Variants in CNTN5 observed in about 807,000 individuals in gnomAD.
The protein encoded by CNTN5 is contactin 5, also known as contactin-5.
CNTN5 carries 77 observed loss-of-function variants against 129.1 expected under a neutral mutation model. The observed-to-expected ratio is 0.60, with a 90% CI of 0.50 to 0.72. The LOEUF (loss-of-function observed/expected upper bound fraction) is 0.72, where lower values mean the gene tolerates loss of function less well. Ranked by LOEUF, CNTN5 falls within the 30% of genes least tolerant of loss-of-function variation. CNTN5 has a pLI of 0.00. For missense variants in CNTN5, 1,478 were observed against 1,328.8 expected (o/e 1.11, Z -1.75); for synonymous variants, 509 against 465.6 (o/e 1.09, Z -1.20).
At chr11:100,026,928 G>A (rs868118631) in intron 9 of CNTN5, among the ~76,000 whole-genome samples, 1 of 151,782 alleles carries the variant, frequency 6.6e-6, no homozygotes, top group Non-Finnish European at 1.5e-5. Flanking sequence ...GCCTTTGATA[G>A]TGTATCTAAA....
chr11:99,611,492 TAA>T (rs2135731663), intron 3 of CNTN5, among the ~76,000 whole-genome samples: 1 of 152,282 alleles, frequency 6.6e-6, no homozygotes, highest in Admixed American at 6.5e-5. Flanking sequence ...AAATGTAAAA[TAA>T]GAGTCAGTTC....
At chr11:99,637,583 T>G (rs1023585297) in intron 3 of CNTN5, among the ~76,000 whole-genome samples, 1 of 152,114 alleles carries the variant, frequency 6.6e-6, no homozygotes, top group Non-Finnish European at 1.5e-5. Flanking sequence ...AAAATCAGTA[T>G]TTTTTTAAGT....
chr11:99,971,588 A>G (rs1951256194), intron 8 of CNTN5, among the ~76,000 whole-genome samples: 1 of 151,624 alleles, frequency 6.6e-6, no homozygotes, highest in Admixed American at 6.6e-5. Flanking sequence ...CTACAAAATA[A>G]TCAACAAATG....
At chr11:100,166,984 T>C (rs1947657949) in intron 13 of CNTN5, among the ~76,000 whole-genome samples, 1 of 151,674 alleles carries the variant, frequency 6.6e-6, no homozygotes, top group Non-Finnish European at 1.5e-5. Context: ...CACAGAAAAA[T>C]GGGGCAGAAG....
intron 1 of CNTN5, among the ~76,000 whole-genome samples, chr11:99,145,590 A>G (rs1859743720): frequency 2.6e-5 from 4 of 152,102 alleles, no homozygotes. Flanking sequence ...AATTCTTCTT[A>G]CTGTGAGTTG....
At chr11:99,077,668 T>G (rs779434176) in intron 1 of CNTN5, among the ~76,000 whole-genome samples, 3 of 152,164 alleles carry the variant, frequency 2.0e-5, no homozygotes, top group Admixed American at 6.5e-5. Context: ...AATCCCCACA[T>G]TTCAAGGAAG....
chr11:99,568,572 A>G (rs1949079157), intron 3 of CNTN5, among the ~76,000 whole-genome samples: 1 of 152,218 alleles, frequency 6.6e-6, no homozygotes, highest in Admixed American at 6.5e-5. Context: ...TCTTTGGAAT[A>G]TAAAGTGGAA....
intron 3 of CNTN5, among the ~76,000 whole-genome samples, chr11:99,661,431 T>C (rs1952588077): frequency 6.6e-6 from 1 of 152,162 alleles, no homozygotes. Flanking sequence ...TACAGAGTTA[T>C]TACAATTCAT....
At chr11:99,388,398 G>A (rs1374319494) in intron 2 of CNTN5, among the ~76,000 whole-genome samples, 2 of 99,764 alleles carry the variant, frequency 2.0e-5, no homozygotes, top group African/African-American at 8.1e-5. Flanking sequence ...CTGGGTGACA[G>A]AGCAAAACCC....
intron 2 of CNTN5, among the ~76,000 whole-genome samples, chr11:99,460,506 G>A (rs74731998): frequency 0.011 from 1,688 of 151,892 alleles, 16 homozygotes; most frequent in Non-Finnish European, 0.017. Flanking sequence ...ATACTACAAG[G>A]AATAATTCAT....
At chr11:100,031,621 A>AT (rs1941711719) in intron 9 of CNTN5, among the ~76,000 whole-genome samples, 1 of 152,036 alleles carries the variant, frequency 6.6e-6, no homozygotes, top group East Asian at 1.9e-4. Context: ...GTTTCTATGG[A>AT]TTTTTTGTAA....
intron 2 of CNTN5, among the ~76,000 whole-genome samples, chr11:99,508,625 C>T (rs976123279): frequency 6.6e-6 from 1 of 151,900 alleles, no homozygotes; most frequent in Non-Finnish European, 1.5e-5. Flanking sequence ...AAAACGTAGG[C>T]TTTTATATCA....
intron 13 of CNTN5, among the ~76,000 whole-genome samples, chr11:100,172,943 C>T (rs866044064): frequency 6.6e-6 from 1 of 151,956 alleles, no homozygotes; most frequent in South Asian, 2.1e-4. Flanking sequence ...TGGGGAGTGG[C>T]CTGATACCAA....
chr11:99,074,146 TC>T (rs1865461939), intron 1 of CNTN5, among the ~76,000 whole-genome samples: 1 of 152,236 alleles, frequency 6.6e-6, no homozygotes, highest in South Asian at 2.1e-4. Context: ...GAGCTTTTTT[TC>T]ATATGTTTTT....
At chr11:99,750,204 A>T (rs935428320) in intron 3 of CNTN5, among the ~76,000 whole-genome samples, 3 of 152,190 alleles carry the variant, frequency 2.0e-5, no homozygotes, top group Non-Finnish European at 2.9e-5. Flanking sequence ...CATTAAATTA[A>T]TATACCTTGA....
At chr11:99,892,773 C>G (rs1477916275) in intron 6 of CNTN5, among the ~76,000 whole-genome samples, 2 of 152,096 alleles carry the variant, frequency 1.3e-5, no homozygotes, top group African/African-American at 4.8e-5. Flanking sequence ...AGGCCTCCAG[C>G]TTTGTTCTTT....
At position 99,493,079 on chromosome 11, in the gene CNTN5, C is replaced by T. The variant is rs72991554; in HGVS notation, c.-70-63066C>T. Among the ~76,000 whole-genome samples, 299 of 152,276 alleles carry T rather than the reference C, an allele frequency of 2.0e-3. 2 individuals are homozygous for T. Among genetic ancestry groups the T allele is most frequent in the Non-Finnish European group, 3.2e-3 (218 of 68,018 alleles). Reference sequence around the variant, plus strand: ...AAAGACCTTCCTGCTTCTACTGCTACCTCAAATGCCCAGGCACCATATTCT... The same window carrying T: ...AAAGACCTTCCTGCTTCTACTGCTATCTCAAATGCCCAGGCACCATATTCT... On this transcript the variant is annotated intron_variant, in intron 2 of 24. Coordinates refer to ENST00000524871, the MANE Select transcript of CNTN5 (RefSeq NM_014361.4).
intron 21 of CNTN5, chr11:100,309,653 ATATATAT>A: frequency 1.0e-6 from 1 of 984,192 alleles, no homozygotes; most frequent in Non-Finnish European, 1.2e-6. Flanking sequence ...AAATGATAAT[ATATATAT>A]TTGGCCCATA....
chr11:99,923,773 A>ATCTATCTG (rs1949994766), intron 7 of CNTN5, among the ~76,000 whole-genome samples: 1 of 151,278 alleles, frequency 6.6e-6, no homozygotes, highest in Non-Finnish European at 1.5e-5. Flanking sequence ...CTATCTATCT[A>ATCTATCTG]TCTATCTATC....
Sources: allele counts gnomAD v4.1 joint callset (sites outside exome capture counted in the v4.1 genomes callset), GRCh38; gene constraint gnomAD v4.1.1; transcripts MANE v1.5; gene names NCBI Gene and HGNC (gene_info 2026-07-23, HGNC 2026-07-21).